The following SUSD4 variants were observed in gnomAD, a reference collection of about 807,000 sequenced individuals.
The protein encoded by SUSD4 is sushi domain containing 4, also known as sushi domain-containing protein 4.
A neutral mutation model predicts 50.5 loss-of-function variants in SUSD4; 41 were observed. The ratio of observed to expected loss-of-function variants is 0.81; its 90% confidence interval spans 0.63 to 1.05. The LOEUF (loss-of-function observed/expected upper bound fraction) is 1.05. Among genes scored for constraint, SUSD4 ranks in the 50% least tolerant of loss-of-function variants. The pLI is 0.00. For missense variants in SUSD4, 580 were observed against 634.7 expected, an observed-to-expected ratio of 0.91 and a Z score of 0.93; for synonymous variants, 257 against 257.3, an observed-to-expected ratio of 1.00 and a Z score of 0.01.
Position 223,363,304 on chromosome 1 carries a change from C to G in SUSD4, c.122G>C (p.Cys41Ser). The part of the protein sequence containing the change: ...AVILWFQLAL[C>S]FGPAQLTGGF... ...GCCCGTGAGCTGTGCAGGGCCGAAG[C>G]ACAGCGCCAGCTGAAACCACAGGAT... The change falls in exon 2 of 9, where the codon TGC becomes TCC. Residue 41 changes from cysteine (C) to serine (S), a missense_variant. Transcript: ENST00000366878. The G allele has an allele frequency of 2.5e-6, 4 of 1,609,384 alleles. No homozygotes were observed. The highest frequency in any genetic ancestry group is 2.5e-6 in the Non-Finnish European group (3 of 1,178,100).
chr1:223,235,261 C>T (rs567991144), intron 5 of SUSD4, among the ~76,000 whole-genome samples: 28 of 152,170 alleles, frequency 1.8e-4, no homozygotes, highest in Admixed American at 1.0e-3. Context: ...AGGAAGTTCC[C>T]GTATACTCCC....
chr1:223,346,643 G>C (rs1363875779), intron 2 of SUSD4, among the ~76,000 whole-genome samples: 1 of 152,044 alleles, frequency 6.6e-6, no homozygotes, highest in Non-Finnish European at 1.5e-5. Flanking sequence ...CTACCCTTTA[G>C]CCTCTCTCTG....
intron 2 of SUSD4, among the ~76,000 whole-genome samples, chr1:223,305,822 A>C (rs1007593465): frequency 6.6e-6 from 1 of 152,238 alleles, no homozygotes; most frequent in African/African-American, 2.4e-5. Context: ...GAATTCATCC[A>C]TGTGGGCTAA....
intron 2 of SUSD4, among the ~76,000 whole-genome samples, chr1:223,348,016 G>A (rs1386369939): frequency 1.3e-5 from 2 of 151,836 alleles, no homozygotes; most frequent in Non-Finnish European, 2.9e-5. Context: ...GGCCCCTTCA[G>A]CTCTAACATA....
At chr1:223,344,308 G>A (rs532932430) in intron 2 of SUSD4, among the ~76,000 whole-genome samples, 8 of 152,094 alleles carry the variant, frequency 5.3e-5, no homozygotes, top group South Asian at 2.1e-4. Flanking sequence ...CAACATTGTC[G>A]GGTGCTAGGG....
chr1:223,359,412 C>T (rs1188517264), intron 2 of SUSD4, among the ~76,000 whole-genome samples: 4 of 152,208 alleles, frequency 2.6e-5, no homozygotes, highest in Non-Finnish European at 4.4e-5. Flanking sequence ...ATGCACCCTC[C>T]CTCCCCACCA....
chr1:223,235,109 A>G (rs533010938), intron 5 of SUSD4: 3 of 1,594,120 alleles, frequency 1.9e-6, no homozygotes, highest in Non-Finnish European at 2.6e-6. Context: ...TCCTGAAAAA[A>G]AGAAGTGTAA....
intron 2 of SUSD4, among the ~76,000 whole-genome samples, chr1:223,294,017 T>G (rs1474772644): frequency 6.6e-6 from 1 of 152,186 alleles, no homozygotes; most frequent in Non-Finnish European, 1.5e-5. Flanking sequence ...AGGGAGGCTC[T>G]GCTGTGTGCA....
chr1:223,233,847 C>T (rs1402175455), intron 5 of SUSD4, among the ~76,000 whole-genome samples: 2 of 152,120 alleles, frequency 1.3e-5, no homozygotes, highest in African/African-American at 4.8e-5. Flanking sequence ...CTTAATGTTT[C>T]TTACTTTAGA....
intron 4 of SUSD4, among the ~76,000 whole-genome samples, chr1:223,267,743 C>A (rs2103080899): frequency 6.6e-6 from 1 of 152,116 alleles, no homozygotes; most frequent in African/African-American, 2.4e-5. Context: ...ACATTCATCT[C>A]AGCTTGAGCA....
intron 2 of SUSD4, chr1:223,359,211 G>T: frequency 2.2e-6 from 1 of 458,824 alleles, no homozygotes; most frequent in Admixed American, 2.4e-5. Context: ...TGCCTGCTGT[G>T]TGACTTTCAG....
At chr1:223,298,051 T>C (rs1171765072) in intron 2 of SUSD4, among the ~76,000 whole-genome samples, 1 of 151,940 alleles carries the variant, frequency 6.6e-6, no homozygotes, top group Non-Finnish European at 1.5e-5. Flanking sequence ...AATGGGTGGA[T>C]GGATGGATGA....
chr1:223,285,214 G>A lies in SUSD4; in HGVS notation c.361+7225C>T, dbSNP rs77366187. Among the ~76,000 whole-genome samples, 827 of 152,210 alleles carry A rather than the reference G, an allele frequency of 5.4e-3. 44 individuals are homozygous for A. The East Asian group carries it at 0.12, about 21-fold the overall frequency. ...CTCCTTAAAATACTGCAGTCTTGTT[G>A]GGGACAGGAAAACAAGGGCAACATG... On this transcript the variant is annotated intron_variant, in intron 3 of 8. Coordinates refer to ENST00000366878, the MANE Select transcript of SUSD4 (RefSeq NM_017982.4).
rs556161502 is a variant in SUSD4 at position 223,355,777 on chromosome 1, G to A, written c.148+7501C>T. Among the ~76,000 whole-genome samples the A allele has an allele frequency of 4.5e-4, 69 of 152,248 alleles. No homozygotes were observed. The South Asian group carries it at 0.013, about 28-fold the overall frequency. Reference sequence around the variant, plus strand: ...GGTTACACCTTCATTTGCAAAGAACGTCACCCTTACTCATCCTCTCTTGAA... The same window carrying A: ...GGTTACACCTTCATTTGCAAAGAACATCACCCTTACTCATCCTCTCTTGAA... On this transcript the variant is annotated intron_variant, in intron 2 of 8. Transcript: ENST00000366878.
chr1:223,307,465 T>A (rs553322559), intron 2 of SUSD4, among the ~76,000 whole-genome samples: 1 of 152,352 alleles, frequency 6.6e-6, no homozygotes, highest in Non-Finnish European at 1.5e-5. Context: ...AAAATCCAAC[T>A]GTTAATAGTA....
At chr1:223,273,630 G>A (rs1410816146) in intron 3 of SUSD4, among the ~76,000 whole-genome samples, 1 of 152,220 alleles carries the variant, frequency 6.6e-6, no homozygotes, top group East Asian at 1.9e-4. Context: ...GCAGTATCGG[G>A]TCAACTTCTG....
chr1:223,314,344 G>T (rs17163789), intron 2 of SUSD4, among the ~76,000 whole-genome samples: 80,708 of 151,952 alleles, frequency 0.53, 21,490 homozygotes, highest in African/African-American at 0.57. Context: ...TGACCTCAGC[G>T]GGGTGGCGGA....
chr1:223,345,394 C>A (rs1166386908), intron 2 of SUSD4, among the ~76,000 whole-genome samples: 1 of 152,174 alleles, frequency 6.6e-6, no homozygotes, highest in Non-Finnish European at 1.5e-5. Flanking sequence ...TGTCCAAGAT[C>A]ATGTGCTTAT....
At chr1:223,312,360 A>G (rs1665928733) in intron 2 of SUSD4, among the ~76,000 whole-genome samples, 1 of 152,188 alleles carries the variant, frequency 6.6e-6, no homozygotes, top group Non-Finnish European at 1.5e-5. Context: ...CAGGACAGAA[A>G]AAAAGTGATC....
Sources: gnomAD v4.1 joint callset for allele counts (sites outside exome capture counted in the v4.1 genomes callset) on GRCh38, gnomAD v4.1.1 for gene constraint, MANE v1.5 for transcripts, NCBI Gene and HGNC (gene_info 2026-07-23, HGNC 2026-07-21) for gene names.